Variants in ADCY2 observed in about 807,000 individuals in gnomAD.
ADCY2 encodes the protein adenylate cyclase type 2.
A neutral mutation model predicts 125.2 loss-of-function variants in ADCY2; 31 were observed. The observed-to-expected ratio is 0.25, with a 90% CI of 0.19 to 0.33. ADCY2 has a LOEUF of 0.33. Among genes scored for constraint, ADCY2 ranks in the 10% least tolerant of loss-of-function variants. The probability of loss-of-function intolerance (pLI) is 1.00; values close to 1 mark genes in which losing one functional copy is unlikely to be tolerated. For synonymous variants in ADCY2, 512 were observed against 548.4 expected, an observed-to-expected ratio of 0.93 and a Z score of 0.93; for missense variants, 904 against 1,418.2, an observed-to-expected ratio of 0.64 and a Z score of 5.82.
intron 2 of ADCY2, among the ~76,000 whole-genome samples, chr5:7,481,442 A>G (rs574627273): frequency 1.3e-4 from 20 of 151,596 alleles, no homozygotes; most frequent in Middle Eastern, 3.4e-3. Flanking sequence ...AATTTTTTGT[A>G]TTTTTTAGTA....
chr5:7,557,133 GTT>G (rs1735532015), intron 3 of ADCY2, among the ~76,000 whole-genome samples: 1 of 139,322 alleles, frequency 7.2e-6, no homozygotes, highest in Non-Finnish European at 1.5e-5. Flanking sequence ...AGCAAAAACA[GTT>G]TATATATATA....
chr5:7,603,727 G>A (rs1331952629), intron 3 of ADCY2, among the ~76,000 whole-genome samples: 1 of 118,128 alleles, frequency 8.5e-6, no homozygotes, highest in Admixed American at 8.6e-5. Context: ...GCCAGTGAAG[G>A]TTCCAGTATG....
chr5:7,614,142 C>A (rs1191227890), intron 3 of ADCY2, among the ~76,000 whole-genome samples: 2 of 152,224 alleles, frequency 1.3e-5, no homozygotes, highest in Admixed American at 6.5e-5. Context: ...GAGCTTCATG[C>A]ATCTCATGAG....
rs148156790 is a variant in ADCY2 at position 7,626,636 on chromosome 5, A to T, written c.720+320A>T. Among the ~76,000 whole-genome samples, 562 of 152,306 alleles carry T rather than the reference A, an allele frequency of 3.7e-3. 4 individuals carry two copies. Among genetic ancestry groups the T allele is most frequent in the African/African-American group, 0.013 (545 of 41,560 alleles). On this transcript the variant is annotated intron_variant, in intron 4 of 24. Transcript: ENST00000338316. ...GGATAATGGGTAATGTGCAGGGATC[A>T]CTTAGCGAGAGAGGAAGCAAGAGAG...
At chr5:7,439,562 A>AC (rs1740932427) in intron 2 of ADCY2, among the ~76,000 whole-genome samples, 3 of 150,584 alleles carry the variant, frequency 2.0e-5, no homozygotes, top group Admixed American at 6.6e-5. Context: ...ACACACACAC[A>AC]AAAGTATGTG....
intron 24 of ADCY2, among the ~76,000 whole-genome samples, chr5:7,823,975 G>C (rs193174846): frequency 8.6e-4 from 131 of 152,282 alleles, no homozygotes; most frequent in Non-Finnish European, 1.4e-3. Flanking sequence ...CTGTCAGTAG[G>C]GAGCCATGTT....
At chr5:7,455,634 A>G (rs188357375) in intron 2 of ADCY2, among the ~76,000 whole-genome samples, 1 of 148,242 alleles carries the variant, frequency 6.7e-6, no homozygotes, top group African/African-American at 2.4e-5. Flanking sequence ...TGGTATATGT[A>G]TATATACTGT....
At position 7,404,782 on chromosome 5, in the gene ADCY2, C is replaced by T. The variant is rs533076012; in HGVS notation, c.210+8276C>T. ...TTGGGCACATTTGCCAGTGGTGGCT[C>T]GTCCTTGCCCCATGCATCGGCTGGG... On this transcript the variant is annotated intron_variant, in intron 1 of 24. Transcript: ENST00000338316. 2.6e-5 allele frequency among the ~76,000 whole-genome samples: 4 copies of T among 152,300 alleles called. No individual in the cohort carries two copies. The South Asian group carries it at 8.3e-4, about 32-fold the overall frequency.
intron 17 of ADCY2, among the ~76,000 whole-genome samples, chr5:7,770,989 C>G (rs1743538755): frequency 6.6e-6 from 1 of 152,212 alleles, no homozygotes; most frequent in African/African-American, 2.4e-5. Context: ...AACAAGCTCA[C>G]TCTGCCAAGT....
At chr5:7,490,803 A>G (rs1202320991) in intron 2 of ADCY2, among the ~76,000 whole-genome samples, 2 of 152,192 alleles carry the variant, frequency 1.3e-5, no homozygotes, top group African/African-American at 2.4e-5. Context: ...CTGAACAGAC[A>G]TGTCACTTAA....
intron 2 of ADCY2, among the ~76,000 whole-genome samples, chr5:7,453,944 C>T (rs1022924665): frequency 1.3e-5 from 2 of 152,142 alleles, no homozygotes; most frequent in Non-Finnish European, 2.9e-5. Context: ...TCACCCGACT[C>T]CTGAGATCTT....
chr5:7,544,385 G>C (rs1262746748), intron 3 of ADCY2, among the ~76,000 whole-genome samples: 4 of 152,170 alleles, frequency 2.6e-5, no homozygotes, highest in Admixed American at 2.6e-4. Flanking sequence ...CTTTATGAGA[G>C]AATCTCTATC....
chr5:7,744,068 G>C (rs1357999989), intron 15 of ADCY2, among the ~76,000 whole-genome samples: 1 of 152,142 alleles, frequency 6.6e-6, no homozygotes, highest in African/African-American at 2.4e-5. Flanking sequence ...AGCAGCAAAT[G>C]CAAGTATAAT....
At chr5:7,624,826 T>A (rs1738070091) in intron 3 of ADCY2, among the ~76,000 whole-genome samples, 1 of 152,110 alleles carries the variant, frequency 6.6e-6, no homozygotes, top group African/African-American at 2.4e-5. Flanking sequence ...CACTGACTTG[T>A]TATTAAAGCC....
intron 2 of ADCY2, among the ~76,000 whole-genome samples, chr5:7,421,365 C>T (rs1259549426): frequency 6.6e-6 from 1 of 152,206 alleles, no homozygotes; most frequent in Non-Finnish European, 1.5e-5. Context: ...AGAATCCTCC[C>T]CTGCCTCTTC....
At chr5:7,522,974 C>T (rs1040989405) in intron 3 of ADCY2, among the ~76,000 whole-genome samples, 2 of 151,968 alleles carry the variant, frequency 1.3e-5, no homozygotes, top group Non-Finnish European at 2.9e-5. Context: ...ATTTGCTCAG[C>T]CACTGTGGGA....
intron 5 of ADCY2, chr5:7,691,408 A>G (rs1452111746): frequency 6.6e-6 from 1 of 152,252 alleles, no homozygotes; most frequent in African/African-American, 2.4e-5. Context: ...GTATACTCAT[A>G]TCTACTTCCC....
intron 4 of ADCY2, among the ~76,000 whole-genome samples, chr5:7,674,791 A>T (rs1246457041): frequency 6.6e-6 from 1 of 152,140 alleles, no homozygotes; most frequent in Non-Finnish European, 1.5e-5. Context: ...TTTGAAGTTT[A>T]TAATACTGAA....
chr5:7,482,362 A>C (rs1742762669), intron 2 of ADCY2, among the ~76,000 whole-genome samples: 1 of 152,140 alleles, frequency 6.6e-6, no homozygotes, highest in Non-Finnish European at 1.5e-5. Context: ...AATAGTTTGC[A>C]AATAATTTCT....
Sources: allele counts gnomAD v4.1 joint callset (sites outside exome capture counted in the v4.1 genomes callset), GRCh38; gene constraint gnomAD v4.1.1; transcripts MANE v1.5; gene names NCBI Gene and HGNC (gene_info 2026-07-23, HGNC 2026-07-21).